PARD3: variants seen among roughly 807,000 people sequenced by gnomAD.
The protein encoded by PARD3 is partitioning defective 3 homolog.
Under a neutral mutation model 155.4 loss-of-function variants are expected in PARD3, and 75 were observed. The ratio of observed to expected loss-of-function variants is 0.48; its 90% CI spans 0.40 to 0.58. The LOEUF (loss-of-function observed/expected upper bound fraction) is 0.58, where lower values mean the gene tolerates loss of function less well. Ranked by LOEUF, PARD3 falls within the 20% of genes least tolerant of loss-of-function variation. The pLI, the probability that PARD3 is intolerant of heterozygous loss-of-function variation, is 0.00. For synonymous variants in PARD3, 576 were observed against 610.5 expected, an observed-to-expected ratio of 0.94 and a Z score of 0.83; for missense variants, 1,642 against 1,721.7, an observed-to-expected ratio of 0.95 and a Z score of 0.82.
At chr10:34,444,854 T>C (rs2076654984) in intron 5 of PARD3, among the ~76,000 whole-genome samples, 1 of 152,210 alleles carries the variant, frequency 6.6e-6, no homozygotes, top group South Asian at 2.1e-4. Context: ...TTCCTTCTGC[T>C]TATTCCCACT....
intron 5 of PARD3, among the ~76,000 whole-genome samples, chr10:34,420,202 C>T (rs1034729900): frequency 6.6e-6 from 1 of 152,186 alleles, no homozygotes; most frequent in Non-Finnish European, 1.5e-5. Context: ...AGTATCCCCA[C>T]AGTGCAAATA....
intron 2 of PARD3, among the ~76,000 whole-genome samples, chr10:34,610,899 G>A (rs1287995004): frequency 6.6e-6 from 1 of 152,110 alleles, no homozygotes; most frequent in Non-Finnish European, 1.5e-5. Flanking sequence ...TGGTGATGGG[G>A]AGAGGTGGGG....
chr10:34,321,055 G>A lies in PARD3; in HGVS notation c.2834-3717C>T, dbSNP rs140015882. On this transcript the variant is annotated intron_variant, in intron 19 of 24. Transcript: ENST00000374788. Reference sequence around the variant, plus strand: ...TATCCTGCTCCTATGCAGAAATATTGTAGTTTCAAAAGCTCAAATAAATTG... The same window carrying A: ...TATCCTGCTCCTATGCAGAAATATTATAGTTTCAAAAGCTCAAATAAATTG... Among the ~76,000 whole-genome samples, 142 of 152,082 alleles carry A rather than the reference G, an allele frequency of 9.3e-4. 1 individual carries two copies. The highest frequency in any genetic ancestry group is 3.2e-3 in the African/African-American group (131 of 41,490).
intron 2 of PARD3, among the ~76,000 whole-genome samples, chr10:34,680,591 T>A (rs1310264522): frequency 2.2e-5 from 3 of 134,978 alleles, no homozygotes; most frequent in Non-Finnish European, 3.1e-5. Context: ...GGAAGGGGAA[T>A]GAGAAGCGGG....
At chr10:34,623,830 A>C (rs182943661) in intron 2 of PARD3, among the ~76,000 whole-genome samples, 2 of 149,944 alleles carry the variant, frequency 1.3e-5, no homozygotes, top group African/African-American at 4.8e-5. Context: ...AAATACAAAA[A>C]ATTAGCCAAG....
chr10:34,370,236 TA>T (rs1487784423), intron 12 of PARD3, among the ~76,000 whole-genome samples: 1 of 152,192 alleles, frequency 6.6e-6, no homozygotes, highest in African/African-American at 2.4e-5. Flanking sequence ...CAGACACATG[TA>T]AAAGTATATA....
intron 22 of PARD3, among the ~76,000 whole-genome samples, chr10:34,188,552 G>A (rs1285149969): frequency 3.3e-5 from 5 of 152,016 alleles, no homozygotes; most frequent in Admixed American, 6.6e-5. Context: ...CAAGCTTTAC[G>A]TACACCGACA....
chr10:34,538,470 G>C (rs1192172218), intron 2 of PARD3, among the ~76,000 whole-genome samples: 1 of 152,232 alleles, frequency 6.6e-6, no homozygotes, highest in African/African-American at 2.4e-5. Context: ...CTGAATCATA[G>C]AAATTGAAAG....
At chr10:34,665,300 T>G (rs1199397603) in intron 2 of PARD3, among the ~76,000 whole-genome samples, 2 of 148,636 alleles carry the variant, frequency 1.3e-5, no homozygotes, top group African/African-American at 5.0e-5. Flanking sequence ...TCACCTGAGG[T>G]CGGGAGTTCG....
chr10:34,405,905 T>C (rs569958944), intron 5 of PARD3, among the ~76,000 whole-genome samples: 1 of 152,332 alleles, frequency 6.6e-6, no homozygotes, highest in African/African-American at 2.4e-5. Context: ...TGCTTGCTGC[T>C]GTCAGAGGAG....
intron 2 of PARD3, among the ~76,000 whole-genome samples, chr10:34,573,150 C>G (rs1590066715): frequency 6.6e-6 from 1 of 151,842 alleles, no homozygotes; most frequent in Non-Finnish European, 1.5e-5. Context: ...GCCAGGAGTT[C>G]AAGATCAGCC....
rs1958072247 is a variant in PARD3 at position 34,317,353 on chromosome 10, A to G, written c.2834-15T>C. The G allele has an allele frequency of 6.3e-7, 1 of 1,580,506 alleles. No homozygotes were observed. The highest frequency in any genetic ancestry group is 1.2e-5 in the South Asian group (1 of 85,596). On this transcript the variant is annotated splice_polypyrimidine_tract_variant and intron_variant, in intron 19 of 24. Transcript: ENST00000374788. Reference sequence around the variant, plus strand: ...GTCTTCTTCCACTTGGAAGGAAAGAAAAAAAAATAGGGACACAGTGAACCA... The same window carrying G: ...GTCTTCTTCCACTTGGAAGGAAAGAGAAAAAAATAGGGACACAGTGAACCA...
intron 22 of PARD3, among the ~76,000 whole-genome samples, chr10:34,220,447 G>A (rs1952219819): frequency 6.6e-6 from 1 of 152,188 alleles, no homozygotes; most frequent in South Asian, 2.1e-4. Flanking sequence ...CGCACCTGGT[G>A]CCTCACACCC....
At chr10:34,396,492 T>G (rs1289765719) in intron 7 of PARD3, among the ~76,000 whole-genome samples, 1 of 152,224 alleles carries the variant, frequency 6.6e-6, no homozygotes, top group African/African-American at 2.4e-5. Flanking sequence ...CATTTGATAT[T>G]TGAGGTGGTC....
chr10:34,605,520 T>A (rs1396969617), intron 2 of PARD3, among the ~76,000 whole-genome samples: 1 of 56,484 alleles, frequency 1.8e-5, no homozygotes, highest in Non-Finnish European at 3.4e-5. Context: ...TATATATATA[T>A]CTCCTATATA....
chr10:34,738,534 C>G (rs569694762), intron 1 of PARD3, among the ~76,000 whole-genome samples: 1 of 152,192 alleles, frequency 6.6e-6, no homozygotes, highest in South Asian at 2.1e-4. Context: ...ATTAAAATAC[C>G]TCATTAAAAT....
At position 34,406,010 on chromosome 10, in the gene PARD3, C is replaced by T. The variant is rs144680003; in HGVS notation, c.715-4093G>A. On this transcript the variant is annotated intron_variant, in intron 5 of 24. Transcript: ENST00000374788. ...TGTGTATATATACATATACAACCTC[C>T]TCCTCTTAGATGAGTCATCTGTACA... Among the ~76,000 whole-genome samples the T allele has an allele frequency of 3.0e-3, 456 of 152,232 alleles. 2 individuals are homozygous for T. The highest frequency in any genetic ancestry group is 0.01 in the African/African-American group (432 of 41,536).
intron 1 of PARD3, among the ~76,000 whole-genome samples, chr10:34,743,718 C>T (rs564847904): frequency 9.2e-5 from 14 of 152,294 alleles, no homozygotes; most frequent in Middle Eastern, 3.4e-3. Context: ...GTCATTGTTC[C>T]ATTTCACATG....
intron 22 of PARD3, among the ~76,000 whole-genome samples, chr10:34,169,009 C>T (rs1398920788): frequency 2.0e-5 from 3 of 152,200 alleles, no homozygotes; most frequent in African/African-American, 4.8e-5. Flanking sequence ...ATCTTCTCTG[C>T]TCTGCATCTT....
Sources: allele counts gnomAD v4.1 joint callset (sites outside exome capture counted in the v4.1 genomes callset), GRCh38; gene constraint gnomAD v4.1.1; transcripts MANE v1.5; gene names NCBI Gene and HGNC (gene_info 2026-07-23, HGNC 2026-07-21).